The following FAF1 variants were observed in gnomAD, a reference collection of about 807,000 sequenced individuals.
FAF1 encodes the protein FAS-associated factor 1.
FAF1 carries 25 observed loss-of-function variants against 92.5 expected under a neutral mutation model. The observed-to-expected ratio is 0.27, with a 90% CI of 0.20 to 0.38. The LOEUF is 0.38. FAF1 is among the 10% of genes least tolerant of loss of function. The pLI, the probability that FAF1 is intolerant of heterozygous loss-of-function variation, is 1.00. For missense variants in FAF1, 636 were observed against 793.3 expected (o/e 0.80, Z 2.38); for synonymous variants, 234 against 273.2 (o/e 0.86, Z 1.42).
At chr1:50,657,211 CA>C (rs1174965773) in intron 7 of FAF1, among the ~76,000 whole-genome samples, 1 of 147,666 alleles carries the variant, frequency 6.8e-6, no homozygotes, top group Non-Finnish European at 1.5e-5. Flanking sequence ...GACCCTGTCT[CA>C]AAAAAAAGAA....
intron 18 of FAF1, among the ~76,000 whole-genome samples, chr1:50,446,909 C>T (rs888179340): frequency 2.0e-5 from 3 of 151,860 alleles, no homozygotes; most frequent in African/African-American, 7.3e-5. Flanking sequence ...GACCCAGAGA[C>T]TGGATTTGTC....
intron 13 of FAF1, among the ~76,000 whole-genome samples, chr1:50,543,563 A>C (rs1272659528): frequency 6.6e-6 from 1 of 152,212 alleles, no homozygotes; most frequent in Non-Finnish European, 1.5e-5. Flanking sequence ...ACTTGTGCCT[A>C]AAATATGGTA....
At chr1:50,575,870 T>A (rs1650708147) in intron 12 of FAF1, among the ~76,000 whole-genome samples, 1 of 152,228 alleles carries the variant, frequency 6.6e-6, no homozygotes, top group Non-Finnish European at 1.5e-5. Context: ...GAACTTATTT[T>A]TCTTAAAAGA....
intron 2 of FAF1, among the ~76,000 whole-genome samples, chr1:50,857,092 T>G (rs1449763393): frequency 6.6e-6 from 1 of 151,818 alleles, no homozygotes; most frequent in South Asian, 2.1e-4. Context: ...TTTCATTACA[T>G]TAAGCATCAT....
chr1:50,679,532 G>A (rs1656332289), intron 7 of FAF1, among the ~76,000 whole-genome samples: 1 of 151,132 alleles, frequency 6.6e-6, no homozygotes, highest in Non-Finnish European at 1.5e-5. Context: ...TAAATAAAAA[G>A]GTAATATAGC....
chr1:50,717,295 T>A (rs999516959), intron 6 of FAF1, among the ~76,000 whole-genome samples: 1 of 152,212 alleles, frequency 6.6e-6, no homozygotes, highest in Admixed American at 6.5e-5. Flanking sequence ...CAGGTTTAGG[T>A]GAGGTCATGA....
At chr1:50,568,664 AAGCGGACTT>A (rs1650280854) in intron 12 of FAF1, among the ~76,000 whole-genome samples, 1 of 152,160 alleles carries the variant, frequency 6.6e-6, no homozygotes, top group South Asian at 2.1e-4. Context: ...GAGGTTTAGA[AAGCGGACTT>A]GTCCCAAATG....
intron 1 of FAF1, among the ~76,000 whole-genome samples, chr1:50,918,391 G>A: frequency 1.1e-5 from 1 of 91,754 alleles, no homozygotes; most frequent in East Asian, 3.2e-4. Context: ...CCCTTCCTGT[G>A]TCCATGTGAT....
chr1:50,536,141 C>T (rs1648470230), intron 14 of FAF1, among the ~76,000 whole-genome samples: 1 of 152,118 alleles, frequency 6.6e-6, no homozygotes, highest in African/African-American at 2.4e-5. Context: ...ATTGATATTT[C>T]TCCCTTTCAG....
At chr1:50,631,245 T>A (rs1054181772) in intron 8 of FAF1, among the ~76,000 whole-genome samples, 1 of 152,212 alleles carries the variant, frequency 6.6e-6, no homozygotes, top group Non-Finnish European at 1.5e-5. Flanking sequence ...TCAACTGTGG[T>A]CCAAAAATAT....
chr1:50,548,514 T>C (rs1649142716), intron 13 of FAF1, among the ~76,000 whole-genome samples: 1 of 152,212 alleles, frequency 6.6e-6, no homozygotes, highest in African/African-American at 2.4e-5. Flanking sequence ...AATCTTCCTT[T>C]TTCTCTTCCA....
intron 1 of FAF1, among the ~76,000 whole-genome samples, chr1:50,863,990 T>C (rs1644458424): frequency 6.6e-6 from 1 of 152,138 alleles, no homozygotes; most frequent in Admixed American, 6.5e-5. Flanking sequence ...TTTATTTGCG[T>C]AGAGGTGTTT....
At chr1:50,477,775 G>C (rs1646655897) in intron 17 of FAF1, among the ~76,000 whole-genome samples, 1 of 152,208 alleles carries the variant, frequency 6.6e-6, no homozygotes, top group Non-Finnish European at 1.5e-5. Flanking sequence ...AATGGCATGG[G>C]AGCATGTATT....
At chr1:50,546,679 T>C (rs996381897) in intron 13 of FAF1, among the ~76,000 whole-genome samples, 2 of 152,130 alleles carry the variant, frequency 1.3e-5, no homozygotes, top group African/African-American at 2.4e-5. Flanking sequence ...TTTGTTTATA[T>C]ACAAAATAAC....
chr1:50,754,642 C>A (rs770132228), intron 4 of FAF1, among the ~76,000 whole-genome samples: 7 of 152,190 alleles, frequency 4.6e-5, no homozygotes, highest in Non-Finnish European at 7.3e-5. Context: ...GTTTCCCTCT[C>A]AATACCAATT....
At chr1:50,681,565 T>C (rs568176705) in intron 7 of FAF1, among the ~76,000 whole-genome samples, 33 of 152,194 alleles carry the variant, frequency 2.2e-4, no homozygotes, top group African/African-American at 7.9e-4. Context: ...TCGAGTGCAA[T>C]GGCGCAATCT....
intron 8 of FAF1, among the ~76,000 whole-genome samples, chr1:50,651,227 T>C (rs1654848941): frequency 6.6e-6 from 1 of 152,248 alleles, no homozygotes; most frequent in African/African-American, 2.4e-5. Flanking sequence ...GTATTTCTCA[T>C]GCAGGATAAA....
chr1:50,933,627 A>C (rs1645064796), intron 1 of FAF1, among the ~76,000 whole-genome samples: 1 of 152,150 alleles, frequency 6.6e-6, no homozygotes, highest in Non-Finnish European at 1.5e-5. Context: ...TCTGCCTGTT[A>C]CCCAGTTCCA....
At chr1:50,682,538 C>A (rs1656469720) in intron 7 of FAF1, among the ~76,000 whole-genome samples, 1 of 152,044 alleles carries the variant, frequency 6.6e-6, no homozygotes, top group African/African-American at 2.4e-5. Context: ...TTTGATTTTA[C>A]CAACAAAATA....
Sources: allele counts gnomAD v4.1 joint callset (sites outside exome capture counted in the v4.1 genomes callset), GRCh38; gene constraint gnomAD v4.1.1; transcripts MANE v1.5; gene names NCBI Gene and HGNC (gene_info 2026-07-23, HGNC 2026-07-21).